The following SLC25A13 variants were observed in gnomAD, a reference collection of about 807,000 sequenced individuals.
SLC25A13 encodes solute carrier family 25 member 13.
SLC25A13 carries 70 observed loss-of-function variants against 85.5 expected under a neutral mutation model. That is an observed-to-expected ratio of 0.82 (90% CI 0.68 to 1.00). The LOEUF (loss-of-function observed/expected upper bound fraction) is 1.00, where lower values mean the gene tolerates loss of function less well. Ranked by LOEUF, SLC25A13 falls within the 50% of genes least tolerant of loss-of-function variation. The probability of loss-of-function intolerance (pLI) is 0.00; values close to 1 mark genes in which losing one functional copy is unlikely to be tolerated. For synonymous variants in SLC25A13, 259 were observed against 288.7 expected, an observed-to-expected ratio of 0.90 and a Z score of 1.04; for missense variants, 765 against 819.8, an observed-to-expected ratio of 0.93 and a Z score of 0.82.
chr7:96,198,404 C>A (rs376393380), intron 5 of SLC25A13, among the ~76,000 whole-genome samples: 2 of 152,264 alleles, frequency 1.3e-5, no homozygotes, highest in East Asian at 3.9e-4. Context: ...GCCACAGGAA[C>A]GGAAAAATGA....
chr7:96,193,914 T>C (rs1342789174), intron 5 of SLC25A13, among the ~76,000 whole-genome samples: 2 of 152,210 alleles, frequency 1.3e-5, no homozygotes, highest in African/African-American at 4.8e-5. Flanking sequence ...TCATTGCATA[T>C]GTTTAATTAA....
intron 3 of SLC25A13, among the ~76,000 whole-genome samples, chr7:96,269,654 C>G (rs569716598): frequency 5.3e-5 from 8 of 152,344 alleles, no homozygotes; most frequent in Admixed American, 5.2e-4. Context: ...GAAGAGGCAT[C>G]TGCACTTACA....
At position 96,266,159 on chromosome 7, in the gene SLC25A13, T is replaced by C. The variant is rs1277742431; in HGVS notation, c.212+11037A>G. ...AGAAACCTCAGCTCAAATATCAACATGGTGAAAAAGGTAGATCATGCTTTT... is the reference window on the plus strand; with the variant it reads ...AGAAACCTCAGCTCAAATATCAACACGGTGAAAAAGGTAGATCATGCTTTT... On this transcript the variant is annotated intron_variant, in intron 3 of 17. Transcript: ENST00000265631. Among the ~76,000 whole-genome samples, 3 of 152,214 alleles carry C rather than the reference T, an allele frequency of 2.0e-5. No homozygotes were observed. In the East Asian group the frequency reaches 5.8e-4, roughly 29 times the overall value.
At chr7:96,240,090 C>G (rs1171184672) in intron 3 of SLC25A13, among the ~76,000 whole-genome samples, 1 of 152,130 alleles carries the variant, frequency 6.6e-6, no homozygotes, top group Non-Finnish European at 1.5e-5. Context: ...CCCTCCTCCC[C>G]CCAGCTTTGC....
chr7:96,141,808 T>C (rs748953380), intron 14 of SLC25A13, among the ~76,000 whole-genome samples: 4 of 152,146 alleles, frequency 2.6e-5, no homozygotes, highest in Non-Finnish European at 5.9e-5. Flanking sequence ...AAAAAAGGGA[T>C]AAACTGAAAA....
chr7:96,173,237 G>T (rs1794082050), intron 11 of SLC25A13, among the ~76,000 whole-genome samples: 1 of 152,232 alleles, frequency 6.6e-6, no homozygotes, highest in Non-Finnish European at 1.5e-5. Context: ...TGATGTTAAT[G>T]AAAATTTTCT....
intron 11 of SLC25A13, among the ~76,000 whole-genome samples, chr7:96,178,260 A>C (rs1041090775): frequency 6.6e-6 from 1 of 152,180 alleles, no homozygotes; most frequent in African/African-American, 2.4e-5. Flanking sequence ...CAGAGTGGCC[A>C]GGGTGCCAAA....
chr7:96,163,654 GC>G (rs1793612167), intron 13 of SLC25A13, among the ~76,000 whole-genome samples: 1 of 152,204 alleles, frequency 6.6e-6, no homozygotes, highest in Admixed American at 6.5e-5. Flanking sequence ...GGATTGGCAT[GC>G]ACTGTGGACA....
intron 3 of SLC25A13, among the ~76,000 whole-genome samples, chr7:96,266,995 T>G (rs1798062624): frequency 1.3e-5 from 2 of 152,198 alleles, no homozygotes; most frequent in Admixed American, 6.5e-5. Flanking sequence ...TTCGCCAAAT[T>G]CTATAGTTTA....
intron 3 of SLC25A13, among the ~76,000 whole-genome samples, chr7:96,244,437 A>G (rs1797107865): frequency 6.6e-6 from 1 of 152,238 alleles, no homozygotes. Flanking sequence ...GAAAAGAGAC[A>G]ATGAGTGATT....
intron 4 of SLC25A13, among the ~76,000 whole-genome samples, chr7:96,210,123 G>T (rs1795633897): frequency 6.6e-6 from 1 of 152,034 alleles, no homozygotes; most frequent in African/African-American, 2.4e-5. Context: ...AATTTTTAAA[G>T]CCTTGTCATG....
intron 15 of SLC25A13, among the ~76,000 whole-genome samples, chr7:96,128,700 A>G (rs1791837789): frequency 6.6e-6 from 1 of 151,352 alleles, no homozygotes; most frequent in South Asian, 2.1e-4. Flanking sequence ...TGGCACTTGT[A>G]TAACTATGTA....
chr7:96,135,215 C>T (rs1454235417), intron 14 of SLC25A13, among the ~76,000 whole-genome samples: 1 of 152,166 alleles, frequency 6.6e-6, no homozygotes. Context: ...TTAAAGGACA[C>T]AAATGTGTTC....
At chr7:96,297,020 G>T in intron 1 of SLC25A13, 69 bp from the exon 2 acceptor site, 1 of 1,362,534 alleles carries the variant, frequency 7.3e-7, no homozygotes, top group Non-Finnish European at 1.0e-6. Context: ...CCGACTAAAG[G>T]AAAATAAATC....
At chr7:96,164,678 A>G (rs889433706) in intron 13 of SLC25A13, among the ~76,000 whole-genome samples, 1 of 147,910 alleles carries the variant, frequency 6.8e-6, no homozygotes, top group Non-Finnish European at 1.5e-5. Context: ...TATTTTTACT[A>G]CAAATGGCTA....
chr7:96,307,436 T>C (rs1799789292), intron 1 of SLC25A13, among the ~76,000 whole-genome samples: 1 of 152,072 alleles, frequency 6.6e-6, no homozygotes, highest in African/African-American at 2.4e-5. Flanking sequence ...CATGGTGGCA[T>C]GTGCCTGTAG....
intron 14 of SLC25A13, among the ~76,000 whole-genome samples, chr7:96,140,028 G>A (rs1338578354): frequency 7.2e-6 from 1 of 138,596 alleles, no homozygotes; most frequent in Non-Finnish European, 1.5e-5. Flanking sequence ...GCGGGATCTC[G>A]GCTCACTGCA....
rs1222814269 is a variant in SLC25A13, at chr7:96,189,322, G to A, written c.905C>T (p.Pro302Leu). Residue 302 changes from proline to leucine, a missense_variant, in exon 9 of 18, where the codon CCC (proline) becomes CTC (leucine). Coordinates refer to ENST00000265631, the MANE Select transcript of SLC25A13 (RefSeq NM_014251.3). ...RIAPLEEGTL[P>L]FNLAEAQRQK... ...CCTCTGGGCCTCAGCCAAGTTAAAG[G>A]GCAGAGTTCCCTCTTCCAGAGGAGC... 10 of 1,613,996 alleles carry A rather than the reference G, an allele frequency of 6.2e-6. No individual in the cohort carries two copies. Among genetic ancestry groups the A allele is most frequent in the Non-Finnish European group, 8.5e-6 (10 of 1,180,000 alleles).
At chr7:96,191,986 T>G (rs923004509) in intron 6 of SLC25A13, among the ~76,000 whole-genome samples, 6 of 152,176 alleles carry the variant, frequency 3.9e-5, no homozygotes, top group Non-Finnish European at 8.8e-5. Context: ...CAAAATATTT[T>G]TATTAGGAAA....
Sources: gnomAD v4.1 joint callset for allele counts (sites outside exome capture counted in the v4.1 genomes callset) on GRCh38, gnomAD v4.1.1 for gene constraint, MANE v1.5 for transcripts, NCBI Gene and HGNC (gene_info 2026-07-23, HGNC 2026-07-21) for gene names.